Variants in BSPH1 observed in about 807,000 individuals in gnomAD.
BSPH1 encodes binder of sperm 1.
BSPH1 carries 21 observed loss-of-function variants against 22.5 expected under a neutral mutation model. The ratio of observed to expected loss-of-function variants is 0.93; its 90% CI spans 0.66 to 1.35. BSPH1 has a LOEUF of 1.35. Among genes scored for constraint, BSPH1 ranks in the 40% most tolerant of loss-of-function variants. BSPH1 has a pLI of 0.00. For missense variants in BSPH1, 141 were observed against 154.2 expected, an observed-to-expected ratio of 0.91 and a Z score of 0.45; for synonymous variants, 42 against 53.6, an observed-to-expected ratio of 0.78 and a Z score of 0.95.
chr19:47,971,796 T>C (rs1162417962), intron 5 of BSPH1, among the ~76,000 whole-genome samples: 2 of 152,210 alleles, frequency 1.3e-5, no homozygotes, highest in Non-Finnish European at 2.9e-5. Context: ...CATACTAAAT[T>C]CCTTCTTTAT....
intron 1 of BSPH1, chr19:47,981,814 T>C: frequency 1.2e-6 from 1 of 807,936 alleles, no homozygotes. Context: ...CCATTGTTCC[T>C]TCATGAGCCA....
chr19:47,969,684 G>GGAGAGAGAGAGAGAGAGA lies in BSPH1; in HGVS notation c.*3-1493_*3-1476dup, dbSNP rs10589898. ...CACTACCTGTAAGGCAGGGAGAGGG[G>GGAGAGAGAGAGAGAGAGA]GAGAGAGAGAGAGAGAGAGAGAGAG... On this transcript the variant is annotated intron_variant, in intron 5 of 5. Transcript: ENST00000344839. 7.8e-3 allele frequency among the ~76,000 whole-genome samples: 892 copies of GGAGAGAGAGAGAGAGAGA among 113,808 alleles called. 54 individuals carry two copies. Among genetic ancestry groups the GGAGAGAGAGAGAGAGAGA allele is most frequent in the East Asian group, 0.026 (87 of 3,356 alleles). 74.7% of individuals were successfully genotyped at this position (113,808 alleles called of 152,430 possible).
In BSPH1 at chr19:47,990,400, G is replaced by A. The variant is rs75416641; in HGVS notation, c.73+1609C>T. On this transcript the variant is annotated intron_variant, in intron 1 of 5. Coordinates refer to ENST00000344839, the MANE Select transcript of BSPH1 (RefSeq NM_001128326.2). Reference sequence around the variant, plus strand: ...GAGACCAGACATTGACAGCGGAGAAGCTTTAGGATCGTCTTAATTTGCCTT... The same window carrying A: ...GAGACCAGACATTGACAGCGGAGAAACTTTAGGATCGTCTTAATTTGCCTT... Among the ~76,000 whole-genome samples, 44 of 152,150 alleles carry A rather than the reference G, an allele frequency of 2.9e-4. No individual in the cohort carries two copies. The East Asian group carries it at 8.1e-3, about 28-fold the overall frequency.
intron 1 of BSPH1, among the ~76,000 whole-genome samples, chr19:47,982,998 G>A (rs1444342601): frequency 6.6e-6 from 1 of 152,150 alleles, no homozygotes; most frequent in Non-Finnish European, 1.5e-5. Context: ...CAGAGTTTCA[G>A]TTTGGGACAA....
Position 47,976,597 on chromosome 19 carries a change from CAA to C in BSPH1, c.*2+111_*2+112del, listed in dbSNP as rs1162262236. On this transcript the variant is annotated intron_variant, in intron 5 of 5. Transcript: ENST00000344839. The stretch of plus-strand genomic sequence containing the variant: ...TCACATCCCAGAAAAAAAAAAAAAA[CAA>C]AAAAAAACCCTCTCTAATGAGAAAG... The C allele has an allele frequency of 7.3e-5, 23 of 314,304 alleles. 1 individual carries two copies. Among genetic ancestry groups the C allele is most frequent in the Non-Finnish European group, 1.1e-4 (20 of 177,730 alleles). The allele number at this position is 314,304 out of a possible 1,614,324, so 19.5% of individuals were successfully genotyped here.
chr19:47,970,859 G>A (rs1332471745), intron 5 of BSPH1, among the ~76,000 whole-genome samples: 1 of 152,198 alleles, frequency 6.6e-6, no homozygotes, highest in Non-Finnish European at 1.5e-5. Flanking sequence ...GATGGCTCAG[G>A]TAGTCGCTCC....
downstream of BSPH1, among the ~76,000 whole-genome samples, chr19:47,967,707 C>G (rs185313658): frequency 6.6e-6 from 1 of 152,184 alleles, no homozygotes; most frequent in Admixed American, 6.5e-5. Flanking sequence ...CACCCTTTCT[C>G]CAAAAACAGT....
Position 47,992,127 on chromosome 19 carries a change from T to A in BSPH1, c.-46A>T. The A allele has an allele frequency of 6.7e-7, 1 of 1,484,090 alleles. No individual in the cohort carries two copies. Among genetic ancestry groups the A allele is most frequent in the South Asian group, 1.2e-5 (1 of 82,382 alleles). 91.9% of individuals were successfully genotyped at this position (1,484,090 alleles called of 1,614,324 possible). On this transcript the variant is annotated 5_prime_UTR_variant, in exon 1 of 6. Transcript: ENST00000344839. ...GTATCTCAGATCTTCCTGGTCTTTG[T>A]CAGCCAGGGCTCAAGAATCCCCTGG...
chr19:47,987,588 T>C (rs181635092), intron 1 of BSPH1, among the ~76,000 whole-genome samples: 4 of 152,244 alleles, frequency 2.6e-5, no homozygotes, highest in East Asian at 3.9e-4. Context: ...GGTCCCACTA[T>C]GTTTCCCAGG....
chr19:47,977,347 G>C, intron 4 of BSPH1, 26 bp downstream of exon 4: 1 of 1,534,206 alleles, frequency 6.5e-7, no homozygotes, highest in South Asian at 1.2e-5. Flanking sequence ...TTACTGCTCT[G>C]AGGTATTTAG....
intron 2 of BSPH1, among the ~76,000 whole-genome samples, chr19:47,980,002 A>G (rs536036321): frequency 7.3e-4 from 111 of 152,208 alleles, no homozygotes; most frequent in African/African-American, 2.6e-3. Flanking sequence ...AATAATTTTT[A>G]TTCATGTTCT....
chr19:47,986,845 G>T (rs952062228), intron 1 of BSPH1, among the ~76,000 whole-genome samples: 1 of 152,164 alleles, frequency 6.6e-6, no homozygotes, highest in Non-Finnish European at 1.5e-5. Flanking sequence ...CAGATCTGGA[G>T]GCCAGAAGGC....
chr19:47,977,692 C>T (rs1969378202), intron 3 of BSPH1, 188 bp from the exon 4 acceptor site: 2 of 984,872 alleles, frequency 2.0e-6, no homozygotes, highest in South Asian at 4.7e-5. Flanking sequence ...TTTTATATTC[C>T]TGCCCCTGCC....
intron 1 of BSPH1, 108 bp from the exon 2 acceptor site, chr19:47,981,049 G>T: frequency 1.7e-6 from 1 of 587,006 alleles, no homozygotes; most frequent in Non-Finnish European, 2.9e-6. Flanking sequence ...TTGAAAGTTA[G>T]ACATCAAAGT....
At position 47,989,085 on chromosome 19, in the gene BSPH1, T is replaced by A. The variant is rs1055501808; in HGVS notation, c.73+2924A>T. Among the ~76,000 whole-genome samples, 31 of 150,982 alleles carry A rather than the reference T, an allele frequency of 2.1e-4. 1 individual carries two copies. Among genetic ancestry groups the A allele is most frequent in the Non-Finnish European group, 4.1e-4 (28 of 67,810 alleles). On this transcript the variant is annotated intron_variant, in intron 1 of 5. Coordinates refer to ENST00000344839, the MANE Select transcript of BSPH1 (RefSeq NM_001128326.2). ...GCTATTTAGTCTCTGCATCTGTGCATCCAGCAAACCTATCAAGTCACCGTT... is the reference window on the plus strand; with the variant it reads ...GCTATTTAGTCTCTGCATCTGTGCAACCAGCAAACCTATCAAGTCACCGTT...
chr19:47,981,772 C>CT (rs5828324), intron 1 of BSPH1: 5,518 of 815,826 alleles, frequency 6.8e-3, no homozygotes, highest in South Asian at 8.6e-3. Flanking sequence ...GATAGCTTTA[C>CT]TTTTTTTTTT....
chr19:47,970,696 T>C (rs979597224), intron 5 of BSPH1, among the ~76,000 whole-genome samples: 3 of 152,210 alleles, frequency 2.0e-5, no homozygotes, highest in Non-Finnish European at 4.4e-5. Context: ...CTCCTCTTCC[T>C]ACCATGAGCA....
chr19:47,973,354 A>G (rs957544886), intron 5 of BSPH1, among the ~76,000 whole-genome samples: 6 of 152,092 alleles, frequency 3.9e-5, no homozygotes, highest in Non-Finnish European at 7.4e-5. Flanking sequence ...TCTAGGGAAC[A>G]GTCTCCTGTC....
Position 47,968,084 on chromosome 19 carries a change from G to A in BSPH1, c.*128C>T, listed in dbSNP as rs1396730465. The A allele has an allele frequency of 6.6e-6, 1 of 152,124 alleles. No individual in the cohort carries two copies. The allele number at this position is 152,124 out of a possible 1,614,324, so 9.4% of individuals were successfully genotyped here. ...AGTTTTATTTTATTAAGAAAATTGG[G>A]GGTTACTGTATATCAGACCATTCTG... is the stretch of plus-strand genomic sequence containing the variant. On this transcript the variant is annotated 3_prime_UTR_variant, in exon 6 of 6. Coordinates refer to ENST00000344839, the MANE Select transcript of BSPH1 (RefSeq NM_001128326.2).
Sources: allele counts gnomAD v4.1 joint callset (sites outside exome capture counted in the v4.1 genomes callset), GRCh38; gene constraint gnomAD v4.1.1; transcripts MANE v1.5; gene names NCBI Gene and HGNC (gene_info 2026-07-23, HGNC 2026-07-21).